Variants in EXOC6B observed in about 807,000 individuals in gnomAD.
The protein encoded by EXOC6B is SEC15 homolog B.
Under a neutral mutation model 113.5 loss-of-function variants are expected in EXOC6B, and 54 were observed. That is an observed-to-expected ratio of 0.48 (90% CI 0.38 to 0.60). The LOEUF (loss-of-function observed/expected upper bound fraction) is 0.60, where lower values mean the gene tolerates loss of function less well. Ranked by LOEUF, EXOC6B falls within the 20% of genes least tolerant of loss-of-function variation. The pLI is 0.00. For synonymous variants in EXOC6B, 357 were observed against 339.0 expected (o/e 1.05, Z -0.58); for missense variants, 797 against 977.5 (o/e 0.82, Z 2.46).
chr2:72,521,799 C>T (rs1701503055), intron 8 of EXOC6B, among the ~76,000 whole-genome samples: 1 of 152,042 alleles, frequency 6.6e-6, no homozygotes. Flanking sequence ...CGGGTTCAAG[C>T]GATTCTCCTG....
chr2:72,397,476 C>T (rs999551393), intron 18 of EXOC6B, among the ~76,000 whole-genome samples: 1 of 151,370 alleles, frequency 6.6e-6, no homozygotes, highest in Non-Finnish European at 1.5e-5. Flanking sequence ...AAAAATTAGC[C>T]GGGCATGGTG....
chr2:72,629,523 A>C (rs929426851), intron 6 of EXOC6B, among the ~76,000 whole-genome samples: 1 of 152,190 alleles, frequency 6.6e-6, no homozygotes, highest in Non-Finnish European at 1.5e-5. Flanking sequence ...TATGAATGGA[A>C]ATATAGTGAG....
chr2:72,440,198 A>G (rs1696118565), intron 18 of EXOC6B, among the ~76,000 whole-genome samples: 1 of 152,210 alleles, frequency 6.6e-6, no homozygotes, highest in South Asian at 2.1e-4. Context: ...AAATACTTTC[A>G]TAGAGGAATT....
intron 11 of EXOC6B, among the ~76,000 whole-genome samples, chr2:72,505,056 C>G (rs1248427438): frequency 6.6e-6 from 1 of 151,962 alleles, no homozygotes; most frequent in African/African-American, 2.4e-5. Flanking sequence ...TTTTCCTACT[C>G]TTTTGTGAGG....
intron 8 of EXOC6B, among the ~76,000 whole-genome samples, chr2:72,535,039 T>G (rs1164872890): frequency 6.6e-6 from 1 of 152,200 alleles, no homozygotes; most frequent in Non-Finnish European, 1.5e-5. Flanking sequence ...AAGGAATGTG[T>G]TTCCCATTAA....
chr2:72,778,401 G>T (rs1297049131), intron 1 of EXOC6B, among the ~76,000 whole-genome samples: 2 of 152,064 alleles, frequency 1.3e-5, no homozygotes, highest in African/African-American at 4.8e-5. Flanking sequence ...CAAGAAAAAA[G>T]GGACATTATT....
At chr2:72,470,277 A>C (rs1272579937) in intron 17 of EXOC6B, among the ~76,000 whole-genome samples, 1 of 151,954 alleles carries the variant, frequency 6.6e-6, no homozygotes, top group Non-Finnish European at 1.5e-5. Context: ...TGTAGTTTTC[A>C]TTGCGGACAT....
chr2:72,500,000 A>G (rs1343084455), intron 11 of EXOC6B, 28 bp from the exon 12 acceptor site: 1 of 1,392,258 alleles, frequency 7.2e-7, no homozygotes, highest in Non-Finnish European at 9.9e-7. Flanking sequence ...CAAAGGAGGA[A>G]AAACATGTTA....
Position 72,697,101 on chromosome 2 carries a change from T to C in EXOC6B, c.669+21002A>G, listed in dbSNP as rs187838454. Among the ~76,000 whole-genome samples the C allele has an allele frequency of 1.2e-4, 13 of 105,376 alleles. No homozygotes were observed. The Admixed American group carries it at 1.3e-3, about 11-fold the overall frequency. The allele number at this position is 105,376 out of a possible 152,430, so 69.1% of individuals were successfully genotyped here. A position where few individuals can be genotyped will look rare whatever the true frequency, so the allele number is the denominator to read the frequency against. On this transcript the variant is annotated intron_variant, in intron 6 of 21. Transcript: ENST00000272427. The stretch of plus-strand genomic sequence containing the variant: ...GTAGTACATGTGTGTATGATTTTTA[T>C]ATACAGATATAGATATAGATATAGA...
chr2:72,307,980 C>T (rs1340374999), intron 20 of EXOC6B, among the ~76,000 whole-genome samples: 1 of 152,116 alleles, frequency 6.6e-6, no homozygotes, highest in African/African-American at 2.4e-5. Context: ...AACCGTCCAT[C>T]GCAAAGACAT....
At chr2:72,226,231 T>C (rs1463422620) in intron 20 of EXOC6B, among the ~76,000 whole-genome samples, 1 of 152,136 alleles carries the variant, frequency 6.6e-6, no homozygotes, top group Non-Finnish European at 1.5e-5. Flanking sequence ...AAAATGGCAT[T>C]AGTAGAAAAA....
At chr2:72,186,952 T>C (rs1678475216) in intron 20 of EXOC6B, among the ~76,000 whole-genome samples, 2 of 152,146 alleles carry the variant, frequency 1.3e-5, no homozygotes, top group African/African-American at 4.8e-5. Context: ...TTCCACCCAC[T>C]TGGCCTGGGA....
chr2:72,454,980 G>A (rs540623062), intron 18 of EXOC6B, among the ~76,000 whole-genome samples: 2 of 152,002 alleles, frequency 1.3e-5, no homozygotes, highest in South Asian at 2.1e-4. Flanking sequence ...TTAACTGCAT[G>A]GAAACAGGAA....
chr2:72,566,201 A>G (rs908493816), intron 7 of EXOC6B, among the ~76,000 whole-genome samples: 1 of 152,102 alleles, frequency 6.6e-6, no homozygotes, highest in Non-Finnish European at 1.5e-5. Flanking sequence ...CCTGATGCCT[A>G]GCCCTTGGCA....
intron 6 of EXOC6B, among the ~76,000 whole-genome samples, chr2:72,610,430 T>C (rs1211905120): frequency 6.6e-6 from 1 of 152,142 alleles, no homozygotes; most frequent in African/African-American, 2.4e-5. Context: ...TAACGCAGTG[T>C]TTAGTGCTAC....
At chr2:72,210,347 C>T (rs1246394108) in intron 20 of EXOC6B, among the ~76,000 whole-genome samples, 1 of 152,190 alleles carries the variant, frequency 6.6e-6, no homozygotes, top group Non-Finnish European at 1.5e-5. Context: ...CGGCATATTG[C>T]TAACTTTCCA....
chr2:72,691,035 G>A (rs1026383749), intron 6 of EXOC6B, among the ~76,000 whole-genome samples: 1 of 152,096 alleles, frequency 6.6e-6, no homozygotes, highest in Non-Finnish European at 1.5e-5. Flanking sequence ...GAGGCAGGAG[G>A]ATGGTTTGAG....
chr2:72,311,212 C>T (rs751143706), intron 20 of EXOC6B, among the ~76,000 whole-genome samples: 3 of 152,098 alleles, frequency 2.0e-5, no homozygotes, highest in Admixed American at 6.5e-5. Flanking sequence ...AAGTATAATA[C>T]GGATGTTACT....
intron 15 of EXOC6B, among the ~76,000 whole-genome samples, chr2:72,494,346 G>C (rs1431640850): frequency 6.6e-6 from 1 of 152,052 alleles, no homozygotes; most frequent in African/African-American, 2.4e-5. Flanking sequence ...CAGGCAGGTG[G>C]GGGATGGAAA....
Sources: gnomAD v4.1 joint callset for allele counts (sites outside exome capture counted in the v4.1 genomes callset) on GRCh38, gnomAD v4.1.1 for gene constraint, MANE v1.5 for transcripts, NCBI Gene and HGNC (gene_info 2026-07-23, HGNC 2026-07-21) for gene names.